EFCAB8: variants seen among roughly 807,000 people sequenced by gnomAD.
EFCAB8 encodes EF-hand calcium-binding domain-containing protein 8.
EFCAB8 carries 100 observed loss-of-function variants against 116.3 expected under a neutral mutation model. The ratio of observed to expected loss-of-function variants is 0.86; its 90% CI spans 0.73 to 1.02. The LOEUF is 1.02. EFCAB8 is among the 50% of genes least tolerant of loss of function. The probability of loss-of-function intolerance (pLI) is 0.00; values close to 1 mark genes in which losing one functional copy is unlikely to be tolerated. For missense variants in EFCAB8, 1,320 were observed against 1,416.9 expected (o/e 0.93, Z 1.10); for synonymous variants, 558 against 567.9 (o/e 0.98, Z 0.25).
chr20:32,908,315 A>G lies in EFCAB8; in HGVS notation c.1349A>G (p.Gln450Arg). The G allele has an allele frequency of 8.8e-6, 11 of 1,249,896 alleles. No homozygotes were observed. Among genetic ancestry groups the G allele is most frequent in the Non-Finnish European group, 1.1e-5 (11 of 988,258 alleles). The allele number at this position is 1,249,896 out of a possible 1,614,324, so 77.4% of individuals were successfully genotyped here. Residue 450 changes from glutamine to arginine, a missense_variant, in exon 14 of 27, where the codon CAG becomes CGG. Gln to Arg is a conservative substitution (Grantham distance 43). Transcript: ENST00000400522. The part of the protein sequence containing the change: ...VWDMLDYICL[Q>R]SFCGKFFALG... ...GACATGCTGGACTACATATGCCTCCAGTCCTTCTGTGGGAAGTTTTTTGCT... is the reference window on the plus strand; with the variant it reads ...GACATGCTGGACTACATATGCCTCCGGTCCTTCTGTGGGAAGTTTTTTGCT...
intron 21 of EFCAB8, 134 bp downstream of exon 21, chr20:32,930,750 G>T: frequency 2.4e-6 from 2 of 847,048 alleles, no homozygotes; most frequent in Non-Finnish European, 1.9e-6. Flanking sequence ...ATGCAGCGAG[G>T]AGTCCTCTCC....
chr20:32,900,511 C>T (rs1013280283), intron 11 of EFCAB8, among the ~76,000 whole-genome samples: 66 of 152,068 alleles, frequency 4.3e-4, no homozygotes, highest in African/African-American at 1.6e-3. Context: ...CAGGCACGTG[C>T]CCCCGTGCTC....
intron 22 of EFCAB8, among the ~76,000 whole-genome samples, chr20:32,939,466 G>A (rs1281280790): frequency 1.4e-5 from 2 of 145,400 alleles, no homozygotes; most frequent in East Asian, 2.0e-4. Flanking sequence ...TGTATTTTTA[G>A]TAGAGACGGG....
intron 22 of EFCAB8, among the ~76,000 whole-genome samples, chr20:32,937,741 C>T (rs1450970859): frequency 7.6e-6 from 1 of 131,972 alleles, no homozygotes; most frequent in East Asian, 2.1e-4. Context: ...GCCTCAGCCT[C>T]CCGAGTAGCT....
chr20:32,867,833 A>G, intron 3 of EFCAB8, 86 bp downstream of exon 3: 2 of 1,407,198 alleles, frequency 1.4e-6, no homozygotes, highest in Non-Finnish European at 1.9e-6. Context: ...GGGTTCAGAC[A>G]TAATAAGCAT....
rs1170724163 is a variant in EFCAB8 at position 32,859,007 on chromosome 20, G to A, written c.-11+1G>A. The A allele has an allele frequency of 2.1e-6, 1 of 471,044 alleles. No homozygotes were observed. The highest frequency in any genetic ancestry group is 4.4e-6 in the Non-Finnish European group (1 of 227,058). 29.2% of individuals were successfully genotyped at this position (471,044 alleles called of 1,614,324 possible). On this transcript the variant is annotated splice_donor_variant, in intron 1 of 26. Transcript: ENST00000400522. LOFTEE classifies it low-confidence loss of function (5UTR_SPLICE). ...ACTGAGGAGATCAAATTGAGTCAGG[G>A]TGAGTGAGGGTTTTAGGTGAAAGTT...
Position 32,948,505 on chromosome 20 carries a change from C to T in EFCAB8, c.2959+4701C>T, listed in dbSNP as rs565684996. ...ACTTGGTACCAAAATCTGACAAAGA[C>T]GTTATAAGAAGAAAGTGAAAAAGAA... On this transcript the variant is annotated intron_variant, in intron 23 of 26. Transcript: ENST00000400522. Among the ~76,000 whole-genome samples, 7 of 85,158 alleles carry T rather than the reference C, an allele frequency of 8.2e-5. No individual in the cohort carries two copies. The East Asian group carries it at 2.4e-3, about 29-fold the overall frequency. The allele number at this position is 85,158 out of a possible 152,430, so 55.9% of individuals were successfully genotyped here.
At position 32,897,162 on chromosome 20, in the gene EFCAB8, G is replaced by T. The variant is rs543595745; in HGVS notation, c.957+635G>T. ...TATCTACTTCCTGTGGTCCCAAGCA[G>T]CCCTCCTAGGACAACCCTGTGCCCA... On this transcript the variant is annotated intron_variant, in intron 10 of 26. Coordinates refer to ENST00000400522, the MANE Select transcript of EFCAB8 (RefSeq NM_001143967.2). Among the ~76,000 whole-genome samples the T allele has an allele frequency of 5.0e-3, 767 of 152,094 alleles. 3 individuals are homozygous for T. Among genetic ancestry groups the T allele is most frequent in the Non-Finnish European group, 7.6e-3 (519 of 67,954 alleles).
At position 32,961,730 on chromosome 20, in the gene EFCAB8, T is replaced by G; in HGVS notation, c.*121T>G. ...GTGGCTCTTCCCCCGGCCACCCCAC[T>G]GGGCCTCTCTGGGGAAGTTCACCTG... On this transcript the variant is annotated 3_prime_UTR_variant, in exon 27 of 27. Transcript: ENST00000400522. 1 of 525,928 alleles carries G rather than the reference T, an allele frequency of 1.9e-6. No individual in the cohort carries two copies. The highest frequency in any genetic ancestry group is 3.0e-6 in the Non-Finnish European group (1 of 336,190). The allele number at this position is 525,928 out of a possible 1,614,324, so 32.6% of individuals were successfully genotyped here.
rs374882608 is a variant in EFCAB8 at position 32,917,349 on chromosome 20, C to T, written c.1905C>T (p.Tyr635=). ...PVLLCYHWQT[Y]HTEDILSMAK... ...TCTTGTGCTACCACTGGCAGACCTA[C>T]CACACGGAGGACATCCTGAGCATGG... The change falls in exon 18 of 27, where the codon TAC becomes TAT. Residue 635 remains tyrosine (Y), a synonymous_variant. Coordinates refer to ENST00000400522, the MANE Select transcript of EFCAB8 (RefSeq NM_001143967.2). 108 of 1,551,746 alleles carry T rather than the reference C, an allele frequency of 7.0e-5. No individual in the cohort carries two copies. In the South Asian group the frequency reaches 1.2e-3, roughly 18 times the overall value.
chr20:32,960,346 C>G (rs1478527670), intron 26 of EFCAB8, among the ~76,000 whole-genome samples, 185 bp downstream of exon 26: 2 of 152,168 alleles, frequency 1.3e-5, no homozygotes, highest in African/African-American at 2.4e-5. Flanking sequence ...GTTTGTTTGC[C>G]AAGGCCCTGG....
chr20:32,958,284 G>C (rs943187906), intron 23 of EFCAB8, 137 bp from the exon 24 acceptor site: 1 of 394,956 alleles, frequency 2.5e-6, no homozygotes, highest in Non-Finnish European at 4.6e-6. Context: ...TGTATGGTGG[G>C]CACTCAACAT....
intron 9 of EFCAB8, among the ~76,000 whole-genome samples, chr20:32,895,462 C>T (rs1986111042): frequency 6.6e-6 from 1 of 150,898 alleles, no homozygotes; most frequent in Non-Finnish European, 1.5e-5. Context: ...GTAGCTGGGA[C>T]CACAGGCACG....
At chr20:32,884,033 GTCAGGTCTT>G (rs997606071) in intron 5 of EFCAB8, among the ~76,000 whole-genome samples, 1 of 152,154 alleles carries the variant, frequency 6.6e-6, no homozygotes, top group African/African-American at 2.4e-5. Flanking sequence ...ACTCTGCCCG[GTCAGGTCTT>G]TCTATTTCTT....
chr20:32,936,581 T>C (rs548260699), intron 22 of EFCAB8, among the ~76,000 whole-genome samples: 1 of 152,330 alleles, frequency 6.6e-6, no homozygotes, highest in Non-Finnish European at 1.5e-5. Flanking sequence ...TTTTCCCCAT[T>C]ATGTATTAGT....
intron 6 of EFCAB8, 144 bp from the exon 7 acceptor site, chr20:32,889,157 C>T (rs1985784903): frequency 1.6e-6 from 1 of 644,096 alleles, no homozygotes; most frequent in Non-Finnish European, 2.7e-6. Context: ...TCCAAGGCCC[C>T]TATCACTAGA....
chr20:32,953,488 TG>T (rs1988863324), intron 23 of EFCAB8, among the ~76,000 whole-genome samples: 1 of 152,144 alleles, frequency 6.6e-6, no homozygotes, highest in African/African-American at 2.4e-5. Flanking sequence ...TGCCAGCACT[TG>T]TTATTTTGTT....
chr20:32,874,758 T>C (rs1984864505), intron 3 of EFCAB8, among the ~76,000 whole-genome samples: 1 of 152,126 alleles, frequency 6.6e-6, no homozygotes, highest in Non-Finnish European at 1.5e-5. Context: ...TCTTTCTTCC[T>C]TTCTTTCTGA....
intron 2 of EFCAB8, among the ~76,000 whole-genome samples, chr20:32,866,950 C>T (rs1267258831): frequency 6.7e-6 from 1 of 148,978 alleles, no homozygotes; most frequent in African/African-American, 2.5e-5. Context: ...TGAAGTCTTG[C>T]TCTGTTGCCC....
Sources: gnomAD v4.1 joint callset for allele counts (sites outside exome capture counted in the v4.1 genomes callset) on GRCh38, gnomAD v4.1.1 for gene constraint, MANE v1.5 for transcripts, NCBI Gene and HGNC (gene_info 2026-07-23, HGNC 2026-07-21) for gene names.